The following SPINT1 variants were observed in gnomAD, a reference collection of about 807,000 sequenced individuals.
SPINT1 encodes serine peptidase inhibitor, Kunitz type 1, also known as kunitz-type protease inhibitor 1.
In SPINT1, 38 loss-of-function variants were observed where a neutral mutation model predicts 53.7. The observed-to-expected ratio is 0.71, with a 90% CI of 0.55 to 0.93. The LOEUF (loss-of-function observed/expected upper bound fraction) is 0.93. SPINT1 is among the 40% of genes least tolerant of loss of function. The pLI is 0.00. For synonymous variants in SPINT1, 283 were observed against 280.6 expected (o/e 1.01, Z -0.08); for missense variants, 645 against 692.9 (o/e 0.93, Z 0.78).
chr15:40,857,206 G>A lies in SPINT1; in HGVS notation c.*231G>A, dbSNP rs1046937240. On this transcript the variant is annotated 3_prime_UTR_variant, in exon 11 of 11. Transcript: ENST00000562057. ...TTGGGCCAGAAGTACCAGACTAGAT[G>A]GACCTGCCTGCATAGGAGTTTGGAG... The A allele has an allele frequency of 1.7e-6, 1 of 599,470 alleles. No individual in the cohort carries two copies. Among genetic ancestry groups the A allele is most frequent in the Admixed American group, 3.0e-5 (1 of 32,938 alleles). 37.1% of individuals were successfully genotyped at this position (599,470 alleles called of 1,614,324 possible).
rs140263254 is a variant in SPINT1 at position 40,846,262 on chromosome 15, C to A, written c.475+1233C>A. Among the ~76,000 whole-genome samples, 105 of 152,302 alleles carry A rather than the reference C, an allele frequency of 6.9e-4. 1 individual carries two copies. Among genetic ancestry groups the A allele is most frequent in the African/African-American group, 2.4e-3 (101 of 41,574 alleles). ...TGCTGGGATCAGGGCCAGTCCAGAG[C>A]CTTGGTTCCCCCTTTCTCTCTACCT... On this transcript the variant is annotated intron_variant, in intron 2 of 10. Transcript: ENST00000562057.
Position 40,854,479 on chromosome 15 carries a change from C to T in SPINT1, c.1023C>T (p.Thr341=), listed in dbSNP as rs771179581. ...CIDSFLECDD[T]PNCPDASDEA... ...ACAGTTTCCTGGAGTGTGACGACAC[C>T]CCCAACTGCCCCGACGCCTCCGACG... The change falls in exon 7 of 11, where the codon ACC becomes ACT. Residue 341 remains threonine, a synonymous_variant. Coordinates refer to ENST00000562057, the MANE Select transcript of SPINT1 (RefSeq NM_003710.4). 6.2e-7 allele frequency: 1 copy of T among 1,613,478 alleles called. No individual in the cohort carries two copies. Among genetic ancestry groups the T allele is most frequent in the South Asian group, 1.1e-5 (1 of 91,050 alleles).
At chr15:40,846,629 CAG>C (rs1055324870) in intron 2 of SPINT1, among the ~76,000 whole-genome samples, 9 of 152,146 alleles carry the variant, frequency 5.9e-5, no homozygotes, top group Admixed American at 4.6e-4. Flanking sequence ...CAGTGGATAA[CAG>C]AACCGGGGAT....
chr15:40,847,713 T>C (rs773164414), intron 2 of SPINT1, among the ~76,000 whole-genome samples: 1 of 152,112 alleles, frequency 6.6e-6, no homozygotes. Context: ...GCAAGGTACC[T>C]GCTCCTTGGT....
rs690458 is a variant in SPINT1 at position 40,856,963 on chromosome 15, G to C, written c.1530G>C (p.Thr510=). The C allele has an allele frequency of 0.83, 1,340,677 of 1,613,902 alleles. 558,626 individuals carry two copies. The highest frequency in any genetic ancestry group is 0.99 in the East Asian group (44,597 of 44,880). The change falls in exon 11 of 11, where the codon ACG becomes ACC. Residue 510 remains threonine, a synonymous_variant. Transcript: ENST00000562057. ...DTEHLVYNHT[T]RPL is the part of the protein sequence containing the mutation. ...AGCACCTGGTCTATAACCACACCAC[G>C]CGGCCCCTCTGAGCCTGGGTCTCAC...
intron 2 of SPINT1, among the ~76,000 whole-genome samples, chr15:40,848,551 G>A (rs1013807496): frequency 1.3e-5 from 2 of 152,158 alleles, no homozygotes; most frequent in African/African-American, 4.8e-5. Context: ...CTGTGATGCT[G>A]TTTTCATAAT....
intron 6 of SPINT1, 53 bp downstream of exon 6, chr15:40,854,139 A>G: frequency 6.6e-7 from 1 of 1,506,228 alleles, no homozygotes; most frequent in Non-Finnish European, 8.9e-7. Flanking sequence ...TCTAGCCCAT[A>G]TCATCCCTAT....
rs1367926929 is a variant in SPINT1, at chr15:40,854,106, C to T, written c.940+20C>T. On this transcript the variant is annotated intron_variant, in intron 6 of 10. Coordinates refer to ENST00000562057, the MANE Select transcript of SPINT1 (RefSeq NM_003710.4). ...ATCCAGGTGGGCTTTACTCCCCTCCCCATCCCCCATCCCCACCACATCTCT... is the reference window on the plus strand; with the variant it reads ...ATCCAGGTGGGCTTTACTCCCCTCCTCATCCCCCATCCCCACCACATCTCT... The T allele has an allele frequency of 1.3e-6, 2 of 1,529,898 alleles. No homozygotes were observed. The allele number at this position is 1,529,898 out of a possible 1,614,324, so 94.8% of individuals were successfully genotyped here. A position where few individuals can be genotyped will look rare whatever the true frequency, so the allele number is the denominator to read the frequency against.
In SPINT1 at chr15:40,844,626, T is replaced by A; in HGVS notation, c.72T>A (p.Leu24=). ...GCATCCCTGCCGTCGCCTTGTGGCT[T>A]CTGTGCACGCTCGGCCTCCAGGGCA... ...PAGIPAVALW[L]LCTLGLQGTQ... is the part of the protein sequence containing the mutation. The change falls in exon 2 of 11, where the codon CTT becomes CTA. Residue 24 remains leucine, a synonymous_variant. Coordinates refer to ENST00000562057, the MANE Select transcript of SPINT1 (RefSeq NM_003710.4). This position sits in a 1 kb window ranked among gnomAD's most constrained non-coding sequence, Gnocchi z 5.8. 1 of 1,609,214 alleles carries A rather than the reference T, an allele frequency of 6.2e-7. No homozygotes were observed. Among genetic ancestry groups the A allele is most frequent in the South Asian group, 1.1e-5 (1 of 90,836 alleles).
Position 40,853,456 on chromosome 15 carries a change from G to A in SPINT1, c.604-33G>A, listed in dbSNP as rs778030782. 3.1e-6 allele frequency: 5 copies of A among 1,613,838 alleles called. No homozygotes were observed. The South Asian group carries it at 3.3e-5, about 11-fold the overall frequency. On this transcript the variant is annotated intron_variant, in intron 3 of 10. Transcript: ENST00000562057. ...TGGGGCAGCCCAAGGGCATCAGGGG[G>A]TGCCCAAGCCTGATAGCCACTCCTG...
In SPINT1 at chr15:40,855,136, T is replaced by C. The variant is rs534910689; in HGVS notation, c.1117+447T>C. Among the ~76,000 whole-genome samples, 13 of 148,184 alleles carry C rather than the reference T, an allele frequency of 8.8e-5. No homozygotes were observed. In the East Asian group the frequency reaches 2.7e-3, roughly 30 times the overall value. On this transcript the variant is annotated intron_variant, in intron 8 of 10. Coordinates refer to ENST00000562057, the MANE Select transcript of SPINT1 (RefSeq NM_003710.4). The stretch of plus-strand genomic sequence containing the variant: ...TGGCTCACACTTATAATCCCAGCGC[T>C]TTGAGAGGCCGAGGCTGGCAGATTG...
rs149094427 is a variant in SPINT1, at chr15:40,848,984, C to T, written c.475+3955C>T. ...GGGTCGGGCCGGGCGCGGTGGGTCA[C>T]GCCTGTAATCCCAGAACTTTGGGAG... is the stretch of plus-strand genomic sequence containing the variant. On this transcript the variant is annotated intron_variant, in intron 2 of 10. Coordinates refer to ENST00000562057, the MANE Select transcript of SPINT1 (RefSeq NM_003710.4). Among the ~76,000 whole-genome samples, 1,977 of 150,786 alleles carry T rather than the reference C, an allele frequency of 0.013. 97 individuals are homozygous for T. The East Asian group carries it at 0.17, about 13-fold the overall frequency.
chr15:40,848,980 G>C (rs549560898), intron 2 of SPINT1, among the ~76,000 whole-genome samples: 386 of 151,238 alleles, frequency 2.6e-3, no homozygotes, highest in Middle Eastern at 6.8e-3. Context: ...GGCGCGGTGG[G>C]TCACGCCTGT....
At chr15:40,854,112 C>T in intron 6 of SPINT1, 26 bp downstream of exon 6, 2 of 1,528,566 alleles carry the variant, frequency 1.3e-6, no homozygotes, top group Non-Finnish European at 1.8e-6. Context: ...CTCCCCATCC[C>T]CCATCCCCAC....
At chr15:40,845,693 G>A (rs565057703) in intron 2 of SPINT1, among the ~76,000 whole-genome samples, 25 of 152,300 alleles carry the variant, frequency 1.6e-4, no homozygotes, top group African/African-American at 5.5e-4. Flanking sequence ...TGTACTGGAG[G>A]GGAGAGGAAG....
chr15:40,848,975 G>A (rs1461757041), intron 2 of SPINT1, among the ~76,000 whole-genome samples: 7 of 150,978 alleles, frequency 4.6e-5, no homozygotes, highest in South Asian at 4.2e-4. Context: ...GGCCGGGCGC[G>A]GTGGGTCACG....
At chr15:40,854,618 T>C (rs764290756) in intron 7 of SPINT1, 21 bp from the exon 8 acceptor site, 6 of 1,614,110 alleles carry the variant, frequency 3.7e-6, no homozygotes, top group Non-Finnish European at 5.1e-6. Context: ...GGTCTGAGAC[T>C]CTGACCTTTC....
Position 40,857,365 on chromosome 15 carries a change from C to G in SPINT1, c.*390C>G. 4.4e-6 allele frequency: 1 copy of G among 224,764 alleles called. No individual in the cohort carries two copies. 13.9% of individuals were successfully genotyped at this position (224,764 alleles called of 1,614,324 possible). A position where few individuals can be genotyped will look rare whatever the true frequency, so the allele number is the denominator to read the frequency against. On this transcript the variant is annotated 3_prime_UTR_variant, in exon 11 of 11. Coordinates refer to ENST00000562057, the MANE Select transcript of SPINT1 (RefSeq NM_003710.4). The stretch of plus-strand genomic sequence containing the variant: ...CGAGCTCCTCTTCCATGCTGTGCGC[C>G]CAGGGCTGGGAGGAAGGACTTCCCT...
Position 40,857,094 on chromosome 15 carries a change from A to G in SPINT1, c.*119A>G, listed in dbSNP as rs1891670529. The G allele has an allele frequency of 7.6e-7, 1 of 1,319,898 alleles. No homozygotes were observed. The highest frequency in any genetic ancestry group is 1.0e-6 in the Non-Finnish European group (1 of 969,692). The allele number at this position is 1,319,898 out of a possible 1,614,324, so 81.8% of individuals were successfully genotyped here. A position where few individuals can be genotyped will look rare whatever the true frequency, so the allele number is the denominator to read the frequency against. On this transcript the variant is annotated 3_prime_UTR_variant, in exon 11 of 11. Coordinates refer to ENST00000562057, the MANE Select transcript of SPINT1 (RefSeq NM_003710.4). ...GTTTCCCAGGCCCACTGTGCCTCAGAGACCAGGGCTCCAGCCCCTCTTGGA... is the reference window on the plus strand; with the variant it reads ...GTTTCCCAGGCCCACTGTGCCTCAGGGACCAGGGCTCCAGCCCCTCTTGGA...
Sources: allele counts gnomAD v4.1 joint callset (sites outside exome capture counted in the v4.1 genomes callset), GRCh38; gene constraint gnomAD v4.1.1; non-coding constraint Gnocchi (gnomAD v3.1); transcripts MANE v1.5; gene names NCBI Gene and HGNC (gene_info 2026-07-23, HGNC 2026-07-21).